The following FSIP1 variants were observed in gnomAD, a reference collection of about 807,000 sequenced individuals.
FSIP1 encodes the protein fibrous sheath interacting protein 1.
In FSIP1, 65 loss-of-function variants were observed where a neutral mutation model predicts 60.9. The ratio of observed to expected loss-of-function variants is 1.07; its 90% CI spans 0.87 to 1.31. FSIP1 has a LOEUF of 1.31. Ranked by LOEUF, FSIP1 falls within the 40% of genes most tolerant of loss-of-function variation. FSIP1 has a pLI of 0.00. For missense variants in FSIP1, 675 were observed against 665.5 expected, an observed-to-expected ratio of 1.01 and a Z score of -0.16; for synonymous variants, 209 against 221.2, an observed-to-expected ratio of 0.94 and a Z score of 0.49.
intron 10 of FSIP1, among the ~76,000 whole-genome samples, chr15:39,692,715 G>A (rs1894650923): frequency 6.6e-6 from 1 of 151,692 alleles, no homozygotes. Flanking sequence ...GCTAATTCCT[G>A]GAATGCTATT....
rs369925726 is a variant in FSIP1, at chr15:39,621,056, TAA to T, written c.1189-2813_1189-2812del. Among the ~76,000 whole-genome samples the T allele has an allele frequency of 1.9e-3, 252 of 134,786 alleles. 1 individual carries two copies. Among genetic ancestry groups the T allele is most frequent in the African/African-American group, 5.5e-3 (201 of 36,866 alleles). The allele number at this position is 134,786 out of a possible 152,430, so 88.4% of individuals were successfully genotyped here. ...CTTGAAGCAAGAGAAGGGCATTTCT[TAA>T]AAAAAAAAAAAAAAAATACAAAATT... is the stretch of plus-strand genomic sequence containing the variant. On this transcript the variant is annotated intron_variant, in intron 10 of 11. Coordinates refer to ENST00000350221, the MANE Select transcript of FSIP1 (RefSeq NM_152597.5).
intron 10 of FSIP1, among the ~76,000 whole-genome samples, chr15:39,712,544 A>T (rs1001646015): frequency 1.3e-5 from 2 of 152,230 alleles, no homozygotes; most frequent in African/African-American, 4.8e-5. Context: ...TTAAAACTCA[A>T]AGAAGCTTGA....
intron 10 of FSIP1, among the ~76,000 whole-genome samples, chr15:39,638,193 AC>A (rs1418659021): frequency 2.0e-5 from 3 of 152,262 alleles, no homozygotes; most frequent in Non-Finnish European, 2.9e-5. Context: ...AACATTTGCT[AC>A]CAATTAGAAT....
At chr15:39,761,398 GA>G (rs1484142264) in intron 5 of FSIP1, among the ~76,000 whole-genome samples, 1 of 152,278 alleles carries the variant, frequency 6.6e-6, no homozygotes, top group African/African-American at 2.4e-5. Context: ...TCTTTAAAAA[GA>G]AGGAAATTCT....
intron 10 of FSIP1, among the ~76,000 whole-genome samples, chr15:39,701,377 G>A (rs1318439364): frequency 6.6e-6 from 1 of 152,186 alleles, no homozygotes; most frequent in Non-Finnish European, 1.5e-5. Flanking sequence ...GGTTGTGTGT[G>A]ATTATAATGT....
intron 2 of FSIP1, among the ~76,000 whole-genome samples, chr15:39,773,553 A>C (rs1166508799): frequency 6.6e-6 from 1 of 152,226 alleles, no homozygotes. Context: ...TAAGTTATCA[A>C]TATCATGAAG....
chr15:39,616,836 G>A (rs1039836422), intron 11 of FSIP1, among the ~76,000 whole-genome samples: 2 of 152,188 alleles, frequency 1.3e-5, no homozygotes, highest in Non-Finnish European at 2.9e-5. Flanking sequence ...GGGAGGTCTG[G>A]GAGAAGGGTT....
intron 10 of FSIP1, among the ~76,000 whole-genome samples, chr15:39,638,281 C>T (rs1892217216): frequency 6.6e-6 from 1 of 152,156 alleles, no homozygotes; most frequent in African/African-American, 2.4e-5. Context: ...GTTTAGAGTA[C>T]ATTATAGCAA....
chr15:39,609,096 A>G (rs548734815), intron 11 of FSIP1, among the ~76,000 whole-genome samples: 1 of 152,310 alleles, frequency 6.6e-6, no homozygotes, highest in Admixed American at 6.5e-5. Context: ...CCCGGGAAAC[A>G]CTGGGAGTAC....
chr15:39,755,954 G>A (rs530205590), intron 5 of FSIP1, among the ~76,000 whole-genome samples: 6 of 151,972 alleles, frequency 3.9e-5, no homozygotes, highest in Non-Finnish European at 8.8e-5. Context: ...AACTCCTGGC[G>A]ATGTAAAAGA....
chr15:39,720,474 G>C (rs1895909505), intron 9 of FSIP1, among the ~76,000 whole-genome samples: 1 of 152,168 alleles, frequency 6.6e-6, no homozygotes, highest in Non-Finnish European at 1.5e-5. Flanking sequence ...GTCAAGGAGA[G>C]CCATTTCTGA....
At chr15:39,698,483 C>T (rs1281301261) in intron 10 of FSIP1, among the ~76,000 whole-genome samples, 1 of 152,120 alleles carries the variant, frequency 6.6e-6, no homozygotes, top group Non-Finnish European at 1.5e-5. Context: ...AAGAGATTTG[C>T]TCCCTCTACC....
chr15:39,762,957 T>C (rs984496712), intron 5 of FSIP1, among the ~76,000 whole-genome samples: 6 of 152,192 alleles, frequency 3.9e-5, no homozygotes, highest in African/African-American at 1.4e-4. Flanking sequence ...GGTTACAAAA[T>C]ACCATATACA....
intron 8 of FSIP1, among the ~76,000 whole-genome samples, chr15:39,733,534 A>G (rs1159748896): frequency 6.6e-6 from 1 of 152,226 alleles, no homozygotes; most frequent in Non-Finnish European, 1.5e-5. Context: ...GACACTGTCT[A>G]CTGACTGACA....
At chr15:39,604,807 G>C (rs544600267) in intron 11 of FSIP1, among the ~76,000 whole-genome samples, 1 of 152,192 alleles carries the variant, frequency 6.6e-6, no homozygotes, top group Non-Finnish European at 1.5e-5. Flanking sequence ...TTAAGGCAAT[G>C]ATGAGTTAAG....
At chr15:39,651,414 C>A (rs1430227109) in intron 10 of FSIP1, among the ~76,000 whole-genome samples, 1 of 152,078 alleles carries the variant, frequency 6.6e-6, no homozygotes, top group Non-Finnish European at 1.5e-5. Flanking sequence ...TTCTTTTAAC[C>A]ATCTGTAAAA....
rs1566919121 is a variant in FSIP1, at chr15:39,765,683, A to C, written c.374T>G (p.Leu125Arg). 6.3e-7 allele frequency: 1 copy of C among 1,587,892 alleles called. No homozygotes were observed. The highest frequency in any genetic ancestry group is 8.6e-7 in the Non-Finnish European group (1 of 1,159,312). Residue 125 changes from leucine to arginine, a missense_variant, in exon 4 of 12, where the codon CTT becomes CGT. Physicochemically the swap from Leu to Arg is moderately radical, Grantham distance 102. Coordinates refer to ENST00000350221, the MANE Select transcript of FSIP1 (RefSeq NM_152597.5). ...TTGTTTCTTTGCCAATATTTTATCA[A>C]GTTTTTTCATCTTCTGAATAGCATC... Reference protein sequence around the residue: ...LQDAIQKMKKLDKILAKKQRR... With the variant: ...LQDAIQKMKKRDKILAKKQRR...
intron 10 of FSIP1, among the ~76,000 whole-genome samples, chr15:39,664,158 A>G (rs961395006): frequency 3.3e-5 from 5 of 152,180 alleles, no homozygotes; most frequent in Admixed American, 1.3e-4. Flanking sequence ...TTCAACAACT[A>G]AAAATATTCT....
At chr15:39,692,720 G>T (rs1307468564) in intron 10 of FSIP1, among the ~76,000 whole-genome samples, 1 of 151,906 alleles carries the variant, frequency 6.6e-6, no homozygotes, top group Non-Finnish European at 1.5e-5. Context: ...TTCCTGGAAT[G>T]CTATTAGAGA....
Sources: allele counts gnomAD v4.1 joint callset (sites outside exome capture counted in the v4.1 genomes callset), GRCh38; gene constraint gnomAD v4.1.1; transcripts MANE v1.5; gene names NCBI Gene and HGNC (gene_info 2026-07-23, HGNC 2026-07-21).